Variants in SLC26A4 observed in about 807,000 individuals in gnomAD.
The protein encoded by SLC26A4 is pendrin.
In SLC26A4, 93 loss-of-function variants were observed where a neutral mutation model predicts 90.4. The ratio of observed to expected loss-of-function variants is 1.03; its 90% CI spans 0.87 to 1.22. SLC26A4 has a LOEUF of 1.22. Among genes scored for constraint, SLC26A4 ranks in the 50% most tolerant of loss-of-function variants. The pLI is 0.00. For missense variants in SLC26A4, 1,127 were observed against 946.2 expected (o/e 1.19, Z -2.51); for synonymous variants, 393 against 354.6 (o/e 1.11, Z -1.22).
intron 4 of SLC26A4, among the ~76,000 whole-genome samples, chr7:107,672,729 A>G (rs1584304983): frequency 1.3e-5 from 2 of 152,192 alleles, no homozygotes; most frequent in Admixed American, 1.3e-4. Flanking sequence ...TTAAATCACT[A>G]ATATTAGAAG....
At chr7:107,702,613 C>T (rs762078223) in intron 17 of SLC26A4, among the ~76,000 whole-genome samples, 4 of 144,680 alleles carry the variant, frequency 2.8e-5, no homozygotes, top group Admixed American at 7.1e-5. Context: ...CGCTTGAACC[C>T]GGGAGGTGGA....
intron 4 of SLC26A4, among the ~76,000 whole-genome samples, 173 bp from the exon 5 acceptor site, chr7:107,673,991 A>T (rs1160740322): frequency 6.6e-6 from 1 of 152,192 alleles, no homozygotes; most frequent in Non-Finnish European, 1.5e-5. Context: ...TCAGTCTCCC[A>T]AAGTGCTGCG....
intron 14 of SLC26A4, among the ~76,000 whole-genome samples, chr7:107,698,481 T>C (rs1791803305): frequency 1.3e-5 from 2 of 152,154 alleles, no homozygotes; most frequent in African/African-American, 4.8e-5. Flanking sequence ...CACGCCTGGC[T>C]AATTTTTGTA....
At chr7:107,707,483 C>T (rs756727750) in intron 18 of SLC26A4, among the ~76,000 whole-genome samples, 1 of 152,130 alleles carries the variant, frequency 6.6e-6, no homozygotes, top group Non-Finnish European at 1.5e-5. Context: ...GAAAAAGTAT[C>T]AGAACAAAAC....
intron 4 of SLC26A4, 71 bp downstream of exon 4, chr7:107,672,319 T>A: frequency 1.2e-6 from 1 of 823,812 alleles, no homozygotes; most frequent in Non-Finnish European, 2.0e-6. Context: ...AAGTGCATTA[T>A]ACCTCTATTA....
intron 6 of SLC26A4, among the ~76,000 whole-genome samples, chr7:107,676,077 G>T (rs1791017106): frequency 6.6e-6 from 1 of 152,184 alleles, no homozygotes; most frequent in Admixed American, 6.5e-5. Flanking sequence ...ATCATGTAGG[G>T]TGCTAATTGA....
chr7:107,674,210 C>A lies in SLC26A4; in HGVS notation c.462C>A (p.Ser154Arg), dbSNP rs1790951139. ...VSLMVGSVVL[S>R]MAPDEHFLVS... Reference sequence around the variant, plus strand: ...TAATGGTGGGATCTGTTGTTCTGAGCATGGCCCCCGACGAACACTTTCTCG... The same window carrying A: ...TAATGGTGGGATCTGTTGTTCTGAGAATGGCCCCCGACGAACACTTTCTCG... Residue 154 changes from serine to arginine, a missense_variant, in exon 5 of 21, where the codon AGC (serine) becomes AGA (arginine). Physicochemically the swap from Ser to Arg is moderately radical, Grantham distance 110. Transcript: ENST00000644269. 1 of 1,614,004 alleles carries A rather than the reference C, an allele frequency of 6.2e-7. No homozygotes were observed. The highest frequency in any genetic ancestry group is 1.7e-5 in the Admixed American group (1 of 59,992).
intron 3 of SLC26A4, among the ~76,000 whole-genome samples, chr7:107,667,371 G>A (rs1790744295): frequency 6.7e-6 from 1 of 148,860 alleles, no homozygotes; most frequent in Non-Finnish European, 1.5e-5. Context: ...AAGGAGAGGG[G>A]CAGCCAAGAA....
chr7:107,698,327 TTTTTC>T (rs1791798241), intron 14 of SLC26A4, among the ~76,000 whole-genome samples: 1 of 152,052 alleles, frequency 6.6e-6, no homozygotes. Context: ...TCTTTTTTTT[TTTTTC>T]TTTTTAGATG....
In SLC26A4 at chr7:107,689,095, G is replaced by A; in HGVS notation, c.1044G>A (p.Glu348=). ...TTCCACCTGTGAGCTTGTTCTCGGA[G>A]ATGCTGGCTGCATCATTTTCCATCG... ...PELPPVSLFS[E]MLAASFSIAV... Residue 348 remains glutamate (E), a synonymous_variant, in exon 9 of 21, where the codon GAG becomes GAA. Coordinates refer to ENST00000644269, the MANE Select transcript of SLC26A4 (RefSeq NM_000441.2). The A allele has an allele frequency of 6.2e-7, 1 of 1,613,982 alleles. No individual in the cohort carries two copies. Among genetic ancestry groups the A allele is most frequent in the South Asian group, 1.1e-5 (1 of 91,086 alleles).
intron 14 of SLC26A4, among the ~76,000 whole-genome samples, chr7:107,698,495 T>G: frequency 6.6e-6 from 1 of 152,084 alleles, no homozygotes; most frequent in East Asian, 1.9e-4. Flanking sequence ...TTTTGTATTT[T>G]TAGTAGAGAT....
rs1562839638 is a variant in SLC26A4 at position 107,702,030 on chromosome 7, CGTTGTT to C, written c.2009_2014del (p.Val670_Val671del). 6.2e-7 allele frequency: 1 copy of C among 1,613,248 alleles called. No individual in the cohort carries two copies. Among genetic ancestry groups the C allele is most frequent in the South Asian group, 1.1e-5 (1 of 91,068 alleles). ...ACTGTGGAGCTATATCTTTCCTGGACGTTGTTGGAGTGAGATCACTGCGGGTGGTAA... is the reference window on the plus strand; with the variant it reads ...ACTGTGGAGCTATATCTTTCCTGGACGGAGTGAGATCACTGCGGGTGGTAA... On this transcript the variant is annotated inframe_deletion, in exon 17 of 21. Coordinates refer to ENST00000644269, the MANE Select transcript of SLC26A4 (RefSeq NM_000441.2).
chr7:107,662,418 T>C (rs1485860394), intron 2 of SLC26A4, among the ~76,000 whole-genome samples: 2 of 152,128 alleles, frequency 1.3e-5, no homozygotes, highest in African/African-American at 4.8e-5. Flanking sequence ...ATTTCAAATA[T>C]ATGCATAAGT....
chr7:107,673,833 A>T (rs1483037398), intron 4 of SLC26A4, among the ~76,000 whole-genome samples: 2 of 152,028 alleles, frequency 1.3e-5, no homozygotes, highest in African/African-American at 4.8e-5. Flanking sequence ...AGCTCAAGCA[A>T]TCCCCCCACC....
intron 6 of SLC26A4, among the ~76,000 whole-genome samples, chr7:107,680,995 C>T (rs544326046): frequency 1.5e-4 from 23 of 152,206 alleles, no homozygotes; most frequent in Non-Finnish European, 2.5e-4. Flanking sequence ...AACCTTCAAG[C>T]CTCTGGGATA....
chr7:107,680,958 T>C (rs1365934637), intron 6 of SLC26A4, among the ~76,000 whole-genome samples: 1 of 152,132 alleles, frequency 6.6e-6, no homozygotes, highest in Non-Finnish European at 1.5e-5. Context: ...AGAAAACTGA[T>C]TATGTAAAGG....
In SLC26A4 at chr7:107,700,139, C is replaced by T; in HGVS notation, c.1671C>T (p.Gly557=). The T allele has an allele frequency of 6.3e-7, 1 of 1,591,262 alleles. No individual in the cohort carries two copies. Among genetic ancestry groups the T allele is most frequent in the Non-Finnish European group, 8.6e-7 (1 of 1,159,272 alleles). ...GATTTTCCAGTCCTATTTTCTATGG[C>T]AATGTCGATGGTTTTAAAAAATGTA... The part of the protein sequence containing the change: ...ILRFSSPIFY[G]NVDGFKKCIK... Residue 557 remains glycine (G), a synonymous_variant, in exon 15 of 21, where the codon GGC becomes GGT. Coordinates refer to ENST00000644269, the MANE Select transcript of SLC26A4 (RefSeq NM_000441.2).
At position 107,694,433 on chromosome 7, in the gene SLC26A4, A is replaced by T. The variant is rs1204261613; in HGVS notation, c.1294A>T (p.Met432Leu). 6.2e-7 allele frequency: 1 copy of T among 1,613,710 alleles called. No individual in the cohort carries two copies. Among genetic ancestry groups the T allele is most frequent in the Non-Finnish European group, 8.5e-7 (1 of 1,179,718 alleles). Residue 432 changes from methionine to leucine, a missense_variant, in exon 11 of 21, where the codon ATG becomes TTG. Transcript: ENST00000644269. ...VAGIISAAIVMIAILALGKLL... is the reference protein window; with the variant it reads ...VAGIISAAIVLIAILALGKLL... ...TGGCATCATCTCTGCTGCGATTGTG[A>T]TGATCGCCATTCTTGCCCTGGGGAA...
At chr7:107,681,731 G>C (rs1054519505) in intron 6 of SLC26A4, among the ~76,000 whole-genome samples, 4 of 152,050 alleles carry the variant, frequency 2.6e-5, no homozygotes, top group Non-Finnish European at 4.4e-5. Flanking sequence ...TTGATTCCCA[G>C]AAGTCTCCTA....
Sources: allele counts gnomAD v4.1 joint callset (sites outside exome capture counted in the v4.1 genomes callset), GRCh38; gene constraint gnomAD v4.1.1; transcripts MANE v1.5; gene names NCBI Gene and HGNC (gene_info 2026-07-23, HGNC 2026-07-21).